CNTNAP2: variants seen among roughly 807,000 people sequenced by gnomAD.
The protein encoded by CNTNAP2 is contactin associated protein 2, also known as contactin-associated protein-like 2.
CNTNAP2 carries 98 observed loss-of-function variants against 155.2 expected under a neutral mutation model. The ratio of observed to expected loss-of-function variants is 0.63; its 90% confidence interval spans 0.54 to 0.75. CNTNAP2 has a LOEUF of 0.75. CNTNAP2 is among the 30% of genes least tolerant of loss of function. The pLI is 0.00. For missense variants in CNTNAP2, 1,727 were observed against 1,688.1 expected (o/e 1.02, Z -0.40); for synonymous variants, 651 against 631.2 (o/e 1.03, Z -0.47).
chr7:146,624,883 T>C (rs1799393795), intron 1 of CNTNAP2, among the ~76,000 whole-genome samples: 1 of 151,974 alleles, frequency 6.6e-6, no homozygotes, highest in Admixed American at 6.6e-5. Context: ...CACCCTCTTC[T>C]TTTTACCCTG....
At chr7:147,085,210 T>C (rs1800246920) in intron 4 of CNTNAP2, among the ~76,000 whole-genome samples, 2 of 152,176 alleles carry the variant, frequency 1.3e-5, no homozygotes, top group African/African-American at 4.8e-5. Flanking sequence ...ATTGTTATCT[T>C]TGTATGTATC....
At chr7:147,869,583 C>A (rs1356188602) in intron 13 of CNTNAP2, among the ~76,000 whole-genome samples, 10 of 152,180 alleles carry the variant, frequency 6.6e-5, no homozygotes, top group Non-Finnish European at 1.0e-4. Context: ...ATGTTAATTT[C>A]AGCTCACAAG....
At chr7:146,602,422 C>A (rs1798964740) in intron 1 of CNTNAP2, among the ~76,000 whole-genome samples, 1 of 152,118 alleles carries the variant, frequency 6.6e-6, no homozygotes, top group African/African-American at 2.4e-5. Flanking sequence ...GATAGAAAGA[C>A]AGCAAAGGAA....
At chr7:147,218,911 A>G (rs1803333265) in intron 8 of CNTNAP2, among the ~76,000 whole-genome samples, 1 of 152,182 alleles carries the variant, frequency 6.6e-6, no homozygotes, top group Non-Finnish European at 1.5e-5. Flanking sequence ...CTCTCTTGTT[A>G]GGCACATACA....
At chr7:146,371,231 T>A (rs1287524900) in intron 1 of CNTNAP2, among the ~76,000 whole-genome samples, 1 of 152,064 alleles carries the variant, frequency 6.6e-6, no homozygotes, top group East Asian at 1.9e-4. Flanking sequence ...GATAGGAGCC[T>A]CAATAATGAG....
Position 146,638,476 on chromosome 7 carries a change from C to CTTTTTTTTTTTT in CNTNAP2, c.98-135784_98-135773dup, listed in dbSNP as rs879600389. ...AACAGTTTAATACAGTCAGGTGTTT[C>CTTTTTTTTTTTT]TTTTTTTTTTTTTTTTTTTTTTCTT... is the stretch of plus-strand genomic sequence containing the variant. On this transcript the variant is annotated intron_variant, in intron 1 of 23. Coordinates refer to ENST00000361727, the MANE Select transcript of CNTNAP2 (RefSeq NM_014141.6). Among the ~76,000 whole-genome samples, 100 of 64,332 alleles carry CTTTTTTTTTTTT rather than the reference C, an allele frequency of 1.6e-3. 4 individuals carry two copies. The highest frequency in any genetic ancestry group is 0.01 in the East Asian group (19 of 1,886). 42.2% of individuals were successfully genotyped at this position (64,332 alleles called of 152,430 possible). A position where few individuals can be genotyped will look rare whatever the true frequency, so the allele number is the denominator to read the frequency against.
intron 1 of CNTNAP2, among the ~76,000 whole-genome samples, chr7:146,289,161 T>G (rs1225755414): frequency 6.6e-6 from 1 of 152,108 alleles, no homozygotes; most frequent in Non-Finnish European, 1.5e-5. Flanking sequence ...TGAGAACCAA[T>G]GTAATGGCTG....
At chr7:147,922,607 T>C (rs1190571501) in intron 14 of CNTNAP2, among the ~76,000 whole-genome samples, 1 of 152,210 alleles carries the variant, frequency 6.6e-6, no homozygotes, top group African/African-American at 2.4e-5. Flanking sequence ...TTGCCATTGG[T>C]GCCCTGAAGT....
intron 14 of CNTNAP2, among the ~76,000 whole-genome samples, chr7:147,970,731 C>T (rs1801317601): frequency 6.6e-6 from 1 of 152,144 alleles, no homozygotes; most frequent in Non-Finnish European, 1.5e-5. Flanking sequence ...TGAATGTTGA[C>T]AGTCAAACAG....
intron 1 of CNTNAP2, among the ~76,000 whole-genome samples, chr7:146,724,176 TTGC>T (rs1352239245): frequency 6.6e-6 from 1 of 152,138 alleles, no homozygotes; most frequent in African/African-American, 2.4e-5. Flanking sequence ...TATTGCCAAT[TTGC>T]TATCTCAAGG....
At chr7:147,326,677 C>A (rs1359483573) in intron 9 of CNTNAP2, among the ~76,000 whole-genome samples, 2 of 152,308 alleles carry the variant, frequency 1.3e-5, no homozygotes, top group African/African-American at 4.8e-5. Flanking sequence ...TGTTCCACAT[C>A]CTTGCCAACA....
At chr7:146,241,839 A>AACAC (rs145823085) in intron 1 of CNTNAP2, among the ~76,000 whole-genome samples, 4,039 of 151,288 alleles carry the variant, frequency 0.027, 182 homozygotes, top group African/African-American at 0.093. Context: ...CACACACACA[A>AACAC]ACACACACGC....
At chr7:148,107,041 GAGAGCCTGA>G (rs1804239207) in intron 15 of CNTNAP2, among the ~76,000 whole-genome samples, 1 of 152,186 alleles carries the variant, frequency 6.6e-6, no homozygotes, top group Non-Finnish European at 1.5e-5. Flanking sequence ...CCCTAATGTG[GAGAGCCTGA>G]AGAGCTTCAT....
intron 1 of CNTNAP2, among the ~76,000 whole-genome samples, chr7:146,280,831 T>C (rs1033429730): frequency 2.6e-5 from 4 of 152,210 alleles, no homozygotes; most frequent in Admixed American, 6.5e-5. Context: ...CAGTGCTTGC[T>C]GCAAGCTTGG....
At chr7:146,564,710 G>A (rs1344210181) in intron 1 of CNTNAP2, among the ~76,000 whole-genome samples, 1 of 151,460 alleles carries the variant, frequency 6.6e-6, no homozygotes, top group Non-Finnish European at 1.5e-5. Context: ...CACAACATAA[G>A]GAGTAATGGA....
At chr7:148,387,451 G>C (rs1563068452) in intron 22 of CNTNAP2, among the ~76,000 whole-genome samples, 1 of 152,116 alleles carries the variant, frequency 6.6e-6, no homozygotes, top group Non-Finnish European at 1.5e-5. Flanking sequence ...GGTTAGGATG[G>C]AAAGAAAATA....
In CNTNAP2 at chr7:147,852,007, G is replaced by C. The variant is rs201245079; in HGVS notation, c.2099-51558G>C. Among the ~76,000 whole-genome samples the C allele has an allele frequency of 1.4e-4, 22 of 152,164 alleles. No individual in the cohort carries two copies. The East Asian group carries it at 4.3e-3, about 29-fold the overall frequency. On this transcript the variant is annotated intron_variant, in intron 13 of 23. Transcript: ENST00000361727. ...ACAGCAGCAAATGTAGCTAGTATAA[G>C]AACTACTTATCCTGGGTCCCAAAAT...
intron 21 of CNTNAP2, among the ~76,000 whole-genome samples, chr7:148,335,700 G>A (rs772997662): frequency 6.6e-6 from 1 of 152,192 alleles, no homozygotes; most frequent in East Asian, 1.9e-4. Flanking sequence ...GGAGAAAGCT[G>A]CCTCCTAATA....
At position 147,466,567 on chromosome 7, in the gene CNTNAP2, C is replaced by T. The variant is rs1023962529; in HGVS notation, c.1671-19368C>T. On this transcript the variant is annotated intron_variant, in intron 10 of 23. Coordinates refer to ENST00000361727, the MANE Select transcript of CNTNAP2 (RefSeq NM_014141.6). ...CAGAGAAAATCTTTTGCTTCTGAGA[C>T]TGCCACTGAGGCCTTCATTTGGGAT... Among the ~76,000 whole-genome samples, 4 of 152,146 alleles carry T rather than the reference C, an allele frequency of 2.6e-5. No homozygotes were observed. The South Asian group carries it at 8.3e-4, about 32-fold the overall frequency.
Sources: gnomAD v4.1 joint callset for allele counts (sites outside exome capture counted in the v4.1 genomes callset) on GRCh38, gnomAD v4.1.1 for gene constraint, MANE v1.5 for transcripts, NCBI Gene and HGNC (gene_info 2026-07-23, HGNC 2026-07-21) for gene names.